Variants in KCNK9 observed in about 807,000 individuals in gnomAD.
The protein encoded by KCNK9 is potassium two pore domain channel subfamily K member 9.
KCNK9 carries 1 observed loss-of-function variant against 10.8 expected under a neutral mutation model. The ratio of observed to expected loss-of-function variants is 0.09; its 90% CI spans 0.03 to 0.44. The LOEUF is 0.44. Ranked by LOEUF, KCNK9 falls within the 20% of genes least tolerant of loss-of-function variation. The pLI, the probability that KCNK9 is intolerant of heterozygous loss-of-function variation, is 0.97. For missense variants in KCNK9, 303 were observed against 515.0 expected (o/e 0.59, Z 3.98); for synonymous variants, 231 against 222.7 (o/e 1.04, Z -0.33).
intron 1 of KCNK9, among the ~76,000 whole-genome samples, chr8:139,690,868 G>T (rs910626343): frequency 1.6e-4 from 24 of 152,190 alleles, no homozygotes; most frequent in Non-Finnish European, 3.5e-4. Context: ...GATGAAAGAT[G>T]GTTGTGGATG....
chr8:139,635,653 T>C (rs1196341649), intron 1 of KCNK9, among the ~76,000 whole-genome samples: 1 of 152,238 alleles, frequency 6.6e-6, no homozygotes, highest in Non-Finnish European at 1.5e-5. Flanking sequence ...TTCTACTTTT[T>C]AGATTTTTCT....
chr8:139,646,456 T>C (rs1815686490), intron 1 of KCNK9, among the ~76,000 whole-genome samples: 1 of 152,242 alleles, frequency 6.6e-6, no homozygotes, highest in Non-Finnish European at 1.5e-5. Flanking sequence ...CAGGTCAGCA[T>C]GGAAGGAGGC....
In KCNK9 at chr8:139,603,329, C is replaced by T. The variant is rs556927744; in HGVS notation, c.*1-1728G>A. On this transcript the variant is annotated intron_variant, in intron 2 of 2. Transcript: ENST00000650269. ...GGGGTGTGGCGGAGAGAGGGGAAGG[C>T]GCTGTTGTGGGGTTAGAATCTCAGG... Among the ~76,000 whole-genome samples, 26 of 152,218 alleles carry T rather than the reference C, an allele frequency of 1.7e-4. No homozygotes were observed. In the South Asian group the frequency reaches 3.5e-3, roughly 21 times the overall value.
intron 1 of KCNK9, among the ~76,000 whole-genome samples, chr8:139,640,938 G>A (rs149624621): frequency 2.6e-5 from 4 of 152,246 alleles, no homozygotes; most frequent in Non-Finnish European, 5.9e-5. Context: ...GAATGCATCA[G>A]TCAGGAAGCA....
At chr8:139,648,579 G>A (rs980740309) in intron 1 of KCNK9, among the ~76,000 whole-genome samples, 10 of 152,292 alleles carry the variant, frequency 6.6e-5, no homozygotes, top group African/African-American at 2.2e-4. Flanking sequence ...GGAACTCGCC[G>A]GTCCCTGACT....
chr8:139,631,116 G>A (rs1412421655), intron 1 of KCNK9, among the ~76,000 whole-genome samples: 1 of 152,234 alleles, frequency 6.6e-6, no homozygotes, highest in Non-Finnish European at 1.5e-5. Context: ...CACGTTTTCC[G>A]GTGACTGCGT....
At chr8:139,622,411 G>A (rs1814817909) in intron 1 of KCNK9, among the ~76,000 whole-genome samples, 1 of 152,136 alleles carries the variant, frequency 6.6e-6, no homozygotes, top group South Asian at 2.1e-4. Flanking sequence ...CTACATCAAG[G>A]GTCCCTTTGC....
intron 1 of KCNK9, among the ~76,000 whole-genome samples, chr8:139,639,458 C>A (rs2129642251): frequency 6.6e-6 from 1 of 152,284 alleles, no homozygotes; most frequent in Middle Eastern, 3.4e-3. Context: ...CCTTCTCTGT[C>A]CCAAAGCACC....
chr8:139,687,486 A>ATATATG (rs1563751862), intron 1 of KCNK9, among the ~76,000 whole-genome samples: 1 of 68,148 alleles, frequency 1.5e-5, no homozygotes, highest in African/African-American at 5.6e-5. Flanking sequence ...ATGTATACAT[A>ATATATG]TATACACATA....
chr8:139,632,582 C>CA (rs1327336231), intron 1 of KCNK9, among the ~76,000 whole-genome samples: 2 of 152,172 alleles, frequency 1.3e-5, no homozygotes, highest in Non-Finnish European at 2.9e-5. Flanking sequence ...AGCAGGGTTC[C>CA]AGGCCTGGCC....
chr8:139,689,640 A>C (rs1211259725), intron 1 of KCNK9, among the ~76,000 whole-genome samples: 6 of 113,142 alleles, frequency 5.3e-5, no homozygotes, highest in Admixed American at 2.4e-4. Context: ...TGCCTTTGCC[A>C]TCATTTTTTT....
chr8:139,687,878 C>A (rs1252674889), intron 1 of KCNK9, among the ~76,000 whole-genome samples: 1 of 151,684 alleles, frequency 6.6e-6, no homozygotes, highest in African/African-American at 2.4e-5. Context: ...ACACATGCAT[C>A]ATTACCTCTT....
chr8:139,680,570 C>T (rs1816666427), intron 1 of KCNK9, among the ~76,000 whole-genome samples: 1 of 152,146 alleles, frequency 6.6e-6, no homozygotes. Context: ...TTCAGCATCT[C>T]AGATCTGCCC....
chr8:139,659,325 C>T (rs1225851734), intron 1 of KCNK9, among the ~76,000 whole-genome samples: 1 of 152,222 alleles, frequency 6.6e-6, no homozygotes, highest in Non-Finnish European at 1.5e-5. Flanking sequence ...TGAAACAAAG[C>T]TCATGCCTAG....
chr8:139,645,775 C>T (rs958806482), intron 1 of KCNK9, among the ~76,000 whole-genome samples: 2 of 152,204 alleles, frequency 1.3e-5, no homozygotes, highest in Admixed American at 1.3e-4. Flanking sequence ...AGGCCCCAAG[C>T]GGTGCACAGG....
At chr8:139,623,064 G>A (rs982590519) in intron 1 of KCNK9, among the ~76,000 whole-genome samples, 1 of 152,198 alleles carries the variant, frequency 6.6e-6, no homozygotes, top group African/African-American at 2.4e-5. Flanking sequence ...CCACACCTAT[G>A]TATATGCTGC....
chr8:139,610,528 A>C (rs1814389223), downstream of KCNK9, among the ~76,000 whole-genome samples: 1 of 152,246 alleles, frequency 6.6e-6, no homozygotes, highest in Non-Finnish European at 1.5e-5. Flanking sequence ...TGAAAGACCA[A>C]GATCTTATCC....
intron 1 of KCNK9, among the ~76,000 whole-genome samples, chr8:139,629,765 G>T (rs1219919451): frequency 6.6e-6 from 1 of 152,160 alleles, no homozygotes; most frequent in African/African-American, 2.4e-5. Flanking sequence ...TGCAGAGAGA[G>T]ACAGTGTCCC....
Position 139,617,987 on chromosome 8 carries a change from G to A in KCNK9, c.*271C>T. 1 of 467,462 alleles carries A rather than the reference G, an allele frequency of 2.1e-6. No individual in the cohort carries two copies. The highest frequency in any genetic ancestry group is 3.9e-6 in the Non-Finnish European group (1 of 258,568). 29.0% of individuals were successfully genotyped at this position (467,462 alleles called of 1,614,324 possible). On this transcript the variant is annotated 3_prime_UTR_variant, in exon 2 of 2. Transcript: ENST00000520439. The stretch of plus-strand genomic sequence containing the variant: ...GGGTGGGTGGGGTGAGAAATGTAAG[G>A]CATAGTCTGCTGGGAAGGAAGGAGG...
Sources: gnomAD v4.1 joint callset for allele counts (sites outside exome capture counted in the v4.1 genomes callset) on GRCh38, gnomAD v4.1.1 for gene constraint, MANE v1.5 for transcripts, NCBI Gene and HGNC (gene_info 2026-07-23, HGNC 2026-07-21) for gene names.